PINK1: variants seen among roughly 807,000 people sequenced by gnomAD.
PINK1 encodes serine/threonine-protein kinase PINK1, mitochondrial.
Under a neutral mutation model 56.0 loss-of-function variants are expected in PINK1, and 58 were observed. The ratio of observed to expected loss-of-function variants is 1.04; its 90% confidence interval spans 0.84 to 1.29. The LOEUF (loss-of-function observed/expected upper bound fraction) is 1.29. Ranked by LOEUF, PINK1 falls within the 50% of genes most tolerant of loss-of-function variation. The pLI, the probability that PINK1 is intolerant of heterozygous loss-of-function variation, is 0.00. For missense variants in PINK1, 745 were observed against 777.9 expected, an observed-to-expected ratio of 0.96 and a Z score of 0.50; for synonymous variants, 354 against 339.3, an observed-to-expected ratio of 1.04 and a Z score of -0.48.
At chr1:20,647,309 G>A (rs1448867022) in intron 5 of PINK1, among the ~76,000 whole-genome samples, 5 of 151,500 alleles carry the variant, frequency 3.3e-5, no homozygotes, top group African/African-American at 7.3e-5. Context: ...CACCTGCTTC[G>A]GCCTCCCAAA....
In PINK1 at chr1:20,644,559, C is replaced by G. The variant is rs775988170; in HGVS notation, c.846C>G (p.Thr282=). ...TCATCCGGGTTCTCCGCGCCTTCAC[C>G]TCTTCCGTGCCGCTGCTGCCAGGGG... The part of the protein sequence containing the change: ...PNIIRVLRAF[T]SSVPLLPGAL... Residue 282 remains threonine (T), a synonymous_variant, in exon 4 of 8, where the codon ACC becomes ACG. Transcript: ENST00000321556. 5.6e-6 allele frequency: 9 copies of G among 1,614,256 alleles called. No homozygotes were observed. In the South Asian group the frequency reaches 9.9e-5, roughly 18 times the overall value.
Position 20,649,124 on chromosome 1 carries a change from C to T in PINK1, c.1381C>T (p.Leu461Phe), listed in dbSNP as rs1570407929. ...CTTCTACGGCCAGGGCAAGGCCCACCTTGAAAGCCGCAGCTACCAAGAGGC... is the reference window on the plus strand; with the variant it reads ...CTTCTACGGCCAGGGCAAGGCCCACTTTGAAAGCCGCAGCTACCAAGAGGC... ...NPFYGQGKAH[L>F]ESRSYQEAQL... Residue 461 changes from leucine to phenylalanine, a missense_variant, in exon 7 of 8, where the codon CTT becomes TTT. Transcript: ENST00000321556. The T allele has an allele frequency of 3.7e-6, 6 of 1,614,250 alleles. No individual in the cohort carries two copies. The highest frequency in any genetic ancestry group is 4.2e-6 in the Non-Finnish European group (5 of 1,180,042).
intron 5 of PINK1, 46 bp downstream of exon 5, chr1:20,645,769 G>C: frequency 1.2e-6 from 2 of 1,612,962 alleles, no homozygotes; most frequent in East Asian, 2.2e-5. Context: ...GCACTAGAGG[G>C]TGGGTCAGGA....
At chr1:20,648,848 AC>A in intron 6 of PINK1, 146 bp from the exon 7 acceptor site, 1 of 1,238,376 alleles carries the variant, frequency 8.1e-7, no homozygotes, top group Non-Finnish European at 1.2e-6. Context: ...GTCTAAGCAG[AC>A]CCCTTCTGGG....
chr1:20,649,991 T>G (rs1222227720), intron 7 of PINK1: 3 of 253,342 alleles, frequency 1.2e-5, no homozygotes, highest in Non-Finnish European at 2.3e-5. Flanking sequence ...GGGGCAGGCT[T>G]AGTGCAAAGA....
intron 3 of PINK1, among the ~76,000 whole-genome samples, chr1:20,640,763 C>A (rs1273089297): frequency 1.3e-5 from 2 of 152,138 alleles, no homozygotes; most frequent in Non-Finnish European, 2.9e-5. Context: ...TCAATATTTA[C>A]AGCCTGGCTC....
intron 5 of PINK1, among the ~76,000 whole-genome samples, chr1:20,646,921 C>G (rs543779045): frequency 6.6e-6 from 1 of 151,846 alleles, no homozygotes; most frequent in Admixed American, 6.6e-5. Context: ...GCTTTGTTGC[C>G]CAGGCTGGAG....
At chr1:20,636,720 C>T (rs2154533600) in intron 1 of PINK1, among the ~76,000 whole-genome samples, 1 of 152,240 alleles carries the variant, frequency 6.6e-6, no homozygotes, top group Admixed American at 6.5e-5. Context: ...CTTTAGGAAC[C>T]CTCTAGAAGG....
rs961987283 is a variant in PINK1 at position 20,649,147 on chromosome 1, G to A, written c.1404G>A (p.Glu468=). ...KAHLESRSYQ[E]AQLPALPESV... is the part of the protein sequence containing the mutation. ...ACCTTGAAAGCCGCAGCTACCAAGA[G>A]GCTCAGCTACCTGCACTGCCCGAGT... is the stretch of plus-strand genomic sequence containing the variant. Residue 468 remains glutamate, a synonymous_variant, in exon 7 of 8, where the codon GAG becomes GAA. Transcript: ENST00000321556. 2.5e-6 allele frequency: 4 copies of A among 1,614,136 alleles called. No individual in the cohort carries two copies. Among genetic ancestry groups the A allele is most frequent in the African/African-American group, 2.7e-5 (2 of 74,950 alleles).
intron 7 of PINK1, chr1:20,649,764 C>CAA (rs34189469): frequency 1.8e-3 from 170 of 92,296 alleles, no homozygotes; most frequent in Middle Eastern, 5.7e-3. Flanking sequence ...GTCTTTGTCT[C>CAA]AAAAAAAAAA....
intron 2 of PINK1, chr1:20,638,655 C>T: frequency 5.0e-6 from 1 of 198,466 alleles, no homozygotes; most frequent in Non-Finnish European, 1.0e-5. Flanking sequence ...ACAAAACAAA[C>T]AAACAAAAAA....
rs1361718183 is a variant in PINK1 at position 20,641,738 on chromosome 1, A to C, written c.776+1746A>C. Reference sequence around the variant, plus strand: ...CTCATCTCACCACGTCTCCCGCCTTATCTCTCACCCTTCTCATCAGCACCC... The same window carrying C: ...CTCATCTCACCACGTCTCCCGCCTTCTCTCTCACCCTTCTCATCAGCACCC... On this transcript the variant is annotated intron_variant, in intron 3 of 7. Coordinates refer to ENST00000321556, the MANE Select transcript of PINK1 (RefSeq NM_032409.3). This position sits in a 1 kb window ranked among gnomAD's most constrained non-coding sequence, Gnocchi z 4.0. Among the ~76,000 whole-genome samples, 1 of 151,804 alleles carries C rather than the reference A, an allele frequency of 6.6e-6. No homozygotes were observed. Among genetic ancestry groups the C allele is most frequent in the Non-Finnish European group, 1.5e-5 (1 of 67,920 alleles).
chr1:20,636,584 C>T (rs1010678131), intron 1 of PINK1, among the ~76,000 whole-genome samples: 4 of 152,122 alleles, frequency 2.6e-5, no homozygotes, highest in African/African-American at 4.8e-5. Context: ...CTTCATGATC[C>T]GCCTCCCTCG....
chr1:20,635,666 G>A (rs569204405), intron 1 of PINK1, among the ~76,000 whole-genome samples: 2 of 151,486 alleles, frequency 1.3e-5, no homozygotes, highest in Non-Finnish European at 3.0e-5. Context: ...GGCTAACATG[G>A]TGAAACCCCG....
chr1:20,648,475 G>A (rs2053215416), intron 5 of PINK1, 30 bp from the exon 6 acceptor site: 1 of 1,613,830 alleles, frequency 6.2e-7, no homozygotes, highest in Admixed American at 1.7e-5. Flanking sequence ...GAGGGGAGGA[G>A]AAATGGTCAC....
In PINK1 at chr1:20,650,452, G is replaced by A; in HGVS notation, c.1507G>A (p.Ala503Thr). 1.2e-6 allele frequency: 2 copies of A among 1,613,994 alleles called. No individual in the cohort carries two copies. Among genetic ancestry groups the A allele is most frequent in the Non-Finnish European group, 1.7e-6 (2 of 1,179,918 alleles). Residue 503 changes from alanine (A) to threonine (T), a missense_variant, in exon 8 of 8, where the codon GCC (alanine) becomes ACC (threonine). Coordinates refer to ENST00000321556, the MANE Select transcript of PINK1 (RefSeq NM_032409.3). Reference sequence around the variant, plus strand: ...GTTGCAGAGACCATCTGCCCGAGTAGCCGCAAATGTGCTTCATCTAAGCCT... The same window carrying A: ...GTTGCAGAGACCATCTGCCCGAGTAACCGCAAATGTGCTTCATCTAAGCCT... ...EASKRPSARVAANVLHLSLWG... is the reference protein window; with the variant it reads ...EASKRPSARVTANVLHLSLWG...
At chr1:20,640,906 A>G (rs1173219142) in intron 3 of PINK1, among the ~76,000 whole-genome samples, 1 of 151,990 alleles carries the variant, frequency 6.6e-6, no homozygotes, top group Non-Finnish European at 1.5e-5. Flanking sequence ...CATGGGGGCA[A>G]ATGCCTGTGA....
At chr1:20,639,784 C>A in intron 2 of PINK1, 108 bp from the exon 3 acceptor site, 1 of 985,296 alleles carries the variant, frequency 1.0e-6, no homozygotes, top group Non-Finnish European at 1.6e-6. Flanking sequence ...AAGGTCAGAG[C>A]CAATTCTAGG....
chr1:20,637,345 C>T (rs2053065751), intron 1 of PINK1, among the ~76,000 whole-genome samples: 1 of 144,372 alleles, frequency 6.9e-6, no homozygotes, highest in Non-Finnish European at 1.5e-5. Context: ...CATCGGGGCC[C>T]TAAGAGGCAG....
Sources: allele counts gnomAD v4.1 joint callset (sites outside exome capture counted in the v4.1 genomes callset), GRCh38; gene constraint gnomAD v4.1.1; non-coding constraint Gnocchi (gnomAD v3.1); transcripts MANE v1.5; gene names NCBI Gene and HGNC (gene_info 2026-07-23, HGNC 2026-07-21).